The following ZNF488 variants were observed in gnomAD, a reference collection of about 807,000 sequenced individuals.
The protein encoded by ZNF488 is zinc finger protein 488.
A neutral mutation model predicts 1.2 loss-of-function variants in ZNF488; 1 was observed. The observed-to-expected ratio is 0.86, with a 90% confidence interval of 0.30 to 4.07. The LOEUF (loss-of-function observed/expected upper bound fraction) is 4.07. ZNF488 is among the 30% of genes most tolerant of loss of function. The probability of loss-of-function intolerance (pLI) is 0.18; values close to 1 mark genes in which losing one functional copy is unlikely to be tolerated. For missense variants in ZNF488, 450 were observed against 437.9 expected, an observed-to-expected ratio of 1.03 and a Z score of -0.25; for synonymous variants, 185 against 190.1, an observed-to-expected ratio of 0.97 and a Z score of 0.22.
intron 1 of ZNF488, among the ~76,000 whole-genome samples, chr10:47,369,858 T>C (rs1333354734): frequency 2.0e-5 from 3 of 152,208 alleles, no homozygotes; most frequent in Non-Finnish European, 2.9e-5. Flanking sequence ...TGCAACATTA[T>C]ATTTACTTGT....
At chr10:47,377,029 TG>T (rs1245638411) in intron 1 of ZNF488, among the ~76,000 whole-genome samples, 3 of 152,222 alleles carry the variant, frequency 2.0e-5, no homozygotes, top group Non-Finnish European at 2.9e-5. Context: ...CCATAGTCAG[TG>T]TTGCCGCTAT....
chr10:47,369,304 G>A (rs1837373828), intron 1 of ZNF488, among the ~76,000 whole-genome samples: 2 of 152,180 alleles, frequency 1.3e-5, no homozygotes, highest in African/African-American at 4.8e-5. Flanking sequence ...GCTGCATTAG[G>A]GCCTTGGGGG....
chr10:47,383,707 G>C (rs1555215814), intron 1 of ZNF488, among the ~76,000 whole-genome samples: 1 of 152,232 alleles, frequency 6.6e-6, no homozygotes, highest in Admixed American at 6.5e-5. Flanking sequence ...TTGGAGAAAG[G>C]ATCTGGGGCT....
In ZNF488 at chr10:47,367,102, C is replaced by G. The variant is rs1036030093; in HGVS notation, c.*705G>C. The G allele has an allele frequency of 6.6e-5, 11 of 167,306 alleles. No homozygotes were observed. Among genetic ancestry groups the G allele is most frequent in the Admixed American group, 2.0e-4 (3 of 15,304 alleles). The allele number at this position is 167,306 out of a possible 1,614,324, so 10.4% of individuals were successfully genotyped here. A position where few individuals can be genotyped will look rare whatever the true frequency, so the allele number is the denominator to read the frequency against. ...TCACCCTCCTGTGTTCTTGGCATGA[C>G]CACGAGAGAAGCGTGCTCGCTCTGG... On this transcript the variant is annotated 3_prime_UTR_variant, in exon 2 of 2. Coordinates refer to ENST00000585316, the MANE Select transcript of ZNF488 (RefSeq NM_153034.4).
chr10:47,381,237 C>A (rs1555215337), intron 1 of ZNF488, among the ~76,000 whole-genome samples: 63 of 7,756 alleles, frequency 8.1e-3, no homozygotes, highest in Non-Finnish European at 3.9e-3. Context: ...TGTACCCCCA[C>A]CCGCTCCCCC....
Position 47,368,000 on chromosome 10 carries a change from C to G in ZNF488, c.830G>C (p.Cys277Ser), listed in dbSNP as rs150057845. ...GCGAAAGGACAGGTTGCACTTTGCA[C>G]ACCAGTTCTGGGTGGACAAGCCCAG... ...TSLGLSTQNW[C>S]AKCNLSFRLT... Residue 277 changes from cysteine to serine, a missense_variant, in exon 2 of 2, where the codon TGT (cysteine) becomes TCT (serine). By Grantham distance (112) the Cys-to-Ser change is moderately radical. Transcript: ENST00000585316. 2,061 of 1,614,096 alleles carry G rather than the reference C, an allele frequency of 1.3e-3. 40 individuals are homozygous for G. The Admixed American group carries it at 0.032, about 25-fold the overall frequency.
chr10:47,379,620 C>T (rs542108001), intron 1 of ZNF488, among the ~76,000 whole-genome samples: 8 of 152,326 alleles, frequency 5.3e-5, no homozygotes, highest in Admixed American at 3.9e-4. Context: ...AGGGCCAGAC[C>T]GAAGACCTGC....
intron 1 of ZNF488, among the ~76,000 whole-genome samples, chr10:47,369,792 C>T (rs1451773638): frequency 6.6e-6 from 1 of 152,168 alleles, no homozygotes; most frequent in Non-Finnish European, 1.5e-5. Flanking sequence ...ACACAGACAA[C>T]ACTCCCTCCT....
At chr10:47,373,929 T>A (rs1359758213) in intron 1 of ZNF488, among the ~76,000 whole-genome samples, 1 of 152,244 alleles carries the variant, frequency 6.6e-6, no homozygotes, top group Non-Finnish European at 1.5e-5. Context: ...TCCATCCACC[T>A]ACACTGTTTT....
At chr10:47,376,458 A>G (rs1837685719) in intron 1 of ZNF488, among the ~76,000 whole-genome samples, 1 of 152,212 alleles carries the variant, frequency 6.6e-6, no homozygotes, top group Admixed American at 6.5e-5. Context: ...TGTGAAATTC[A>G]ACCCTGCCGA....
rs532122305 is a variant in ZNF488 at position 47,368,771 on chromosome 10, G to T, written c.59C>A (p.Ala20Asp). ...VAPALVITMA[A>D]GKGAPLSPSA... Reference sequence around the variant, plus strand: ...TGGGCTCAACGGGGCTCCCTTCCCAGCTGCCATGGTGATCACCAGGGCCGG... The same window carrying T: ...TGGGCTCAACGGGGCTCCCTTCCCATCTGCCATGGTGATCACCAGGGCCGG... The change falls in exon 2 of 2, where the codon GCT becomes GAT. Residue 20 changes from alanine to aspartate, a missense_variant. Coordinates refer to ENST00000585316, the MANE Select transcript of ZNF488 (RefSeq NM_153034.4). 1.9e-6 allele frequency: 3 copies of T among 1,611,824 alleles called. No individual in the cohort carries two copies. The African/African-American group carries it at 4.0e-5, about 21-fold the overall frequency.
intron 1 of ZNF488, among the ~76,000 whole-genome samples, chr10:47,371,829 A>C (rs1050004753): frequency 3.3e-5 from 5 of 152,024 alleles, no homozygotes; most frequent in Non-Finnish European, 5.9e-5. Context: ...CCTAGCCCCC[A>C]CGCTGGAGTG....
chr10:47,381,545 G>A (rs529652509), intron 1 of ZNF488, among the ~76,000 whole-genome samples: 11 of 152,412 alleles, frequency 7.2e-5, no homozygotes, highest in African/African-American at 2.6e-4. Flanking sequence ...TGGTGGCACT[G>A]GGGAGATGAG....
rs1555212891 is a variant in ZNF488, at chr10:47,367,086, T to A, written c.*721A>T. 6.0e-6 allele frequency: 1 copy of A among 167,166 alleles called. No homozygotes were observed. The highest frequency in any genetic ancestry group is 2.4e-5 in the African/African-American group (1 of 41,468). 10.4% of individuals were successfully genotyped at this position (167,166 alleles called of 1,614,324 possible). A position where few individuals can be genotyped will look rare whatever the true frequency, so the allele number is the denominator to read the frequency against. ...GGTGTGCTTGTTAGACTCACCCTCC[T>A]GTGTTCTTGGCATGACCACGAGAGA... On this transcript the variant is annotated 3_prime_UTR_variant, in exon 2 of 2. Coordinates refer to ENST00000585316, the MANE Select transcript of ZNF488 (RefSeq NM_153034.4).
At position 47,367,694 on chromosome 10, in the gene ZNF488, C is replaced by T. The variant is rs1837267782; in HGVS notation, c.*113G>A. On this transcript the variant is annotated 3_prime_UTR_variant, in exon 2 of 2. Coordinates refer to ENST00000585316, the MANE Select transcript of ZNF488 (RefSeq NM_153034.4). ...GCCTGAGCTGTTTATCTATGAATGCCAAAAGCAGCAGCTCTGCAAAGGACC... is the reference window on the plus strand; with the variant it reads ...GCCTGAGCTGTTTATCTATGAATGCTAAAAGCAGCAGCTCTGCAAAGGACC... 2.4e-6 allele frequency: 3 copies of T among 1,252,652 alleles called. No homozygotes were observed. Among genetic ancestry groups the T allele is most frequent in the Non-Finnish European group, 3.3e-6 (3 of 902,460 alleles). 77.6% of individuals were successfully genotyped at this position (1,252,652 alleles called of 1,614,324 possible). A position where few individuals can be genotyped will look rare whatever the true frequency, so the allele number is the denominator to read the frequency against.
rs144604527 is a variant in ZNF488 at position 47,368,667 on chromosome 10, G to T, written c.163C>A (p.Arg55Ser). Reference protein sequence around the residue: ...CKPVLLEKTNRLGPEAAVGRA... With the variant: ...CKPVLLEKTNSLGPEAAVGRA... Reference sequence around the variant, plus strand: ...CCCACAGCAGCCTCAGGGCCCAGGCGGTTCGTCTTCTCGAGCAGCACTGGC... The same window carrying T: ...CCCACAGCAGCCTCAGGGCCCAGGCTGTTCGTCTTCTCGAGCAGCACTGGC... The change falls in exon 2 of 2, where the codon CGC becomes AGC. Residue 55 changes from arginine to serine, a missense_variant. Arg to Ser is a moderately radical substitution (Grantham distance 110). Transcript: ENST00000585316. The T allele has an allele frequency of 6.2e-7, 1 of 1,612,152 alleles. No homozygotes were observed. Among genetic ancestry groups the T allele is most frequent in the Non-Finnish European group, 8.5e-7 (1 of 1,179,992 alleles).
chr10:47,383,670 C>G (rs1347398004), intron 1 of ZNF488, among the ~76,000 whole-genome samples: 1 of 152,212 alleles, frequency 6.6e-6, no homozygotes, highest in Non-Finnish European at 1.5e-5. Flanking sequence ...GAACAGGATA[C>G]ATGTCCAGAT....
At position 47,366,058 on chromosome 10, in the gene ZNF488, C is replaced by G. The variant is rs1555212759; in HGVS notation, c.*1749G>C. 6.0e-6 allele frequency: 1 copy of G among 167,010 alleles called. No individual in the cohort carries two copies. The highest frequency in any genetic ancestry group is 1.5e-5 in the Non-Finnish European group (1 of 68,136). The allele number at this position is 167,010 out of a possible 1,614,324, so 10.3% of individuals were successfully genotyped here. On this transcript the variant is annotated 3_prime_UTR_variant, in exon 2 of 2. Coordinates refer to ENST00000585316, the MANE Select transcript of ZNF488 (RefSeq NM_153034.4). ...ACTCATTGTAGAAATGGAAAGGAAA[C>G]AGCTCTTGCCTTCCAGGGCTATTGT...
chr10:47,373,650 G>A (rs1026051052), intron 1 of ZNF488, among the ~76,000 whole-genome samples: 2 of 152,122 alleles, frequency 1.3e-5, no homozygotes, highest in Admixed American at 6.5e-5. Context: ...CAAAATGTAC[G>A]GCATGGAGAA....
Sources: gnomAD v4.1 joint callset for allele counts (sites outside exome capture counted in the v4.1 genomes callset) on GRCh38, gnomAD v4.1.1 for gene constraint, MANE v1.5 for transcripts, NCBI Gene and HGNC (gene_info 2026-07-23, HGNC 2026-07-21) for gene names.